PPP2R3A: variants seen among roughly 807,000 people sequenced by gnomAD.
PPP2R3A encodes protein phosphatase 2 regulatory subunit B''alpha, also known as serine/threonine-protein phosphatase 2A regulatory subunit B'' subunit alpha.
PPP2R3A carries 80 observed loss-of-function variants against 106.9 expected under a neutral mutation model. The ratio of observed to expected loss-of-function variants is 0.75; its 90% CI spans 0.62 to 0.90. The LOEUF (loss-of-function observed/expected upper bound fraction) is 0.90, where lower values mean the gene tolerates loss of function less well. PPP2R3A is among the 40% of genes least tolerant of loss of function. PPP2R3A has a pLI of 0.00. For synonymous variants in PPP2R3A, 483 were observed against 468.3 expected (o/e 1.03, Z -0.41); for missense variants, 1,386 against 1,350.4 (o/e 1.03, Z -0.41).
chr3:136,014,926 A>G (rs1450109856), intron 2 of PPP2R3A, among the ~76,000 whole-genome samples: 3 of 152,050 alleles, frequency 2.0e-5, no homozygotes, highest in Non-Finnish European at 4.4e-5. Context: ...AGTCCTTTCA[A>G]CTTTTCCTTG....
chr3:136,142,900 TCAG>T (rs1938935281), intron 13 of PPP2R3A, among the ~76,000 whole-genome samples: 1 of 152,128 alleles, frequency 6.6e-6, no homozygotes, highest in South Asian at 2.1e-4. Context: ...TGACAAGAAA[TCAG>T]CAGCATTGGT....
chr3:136,068,019 G>T (rs1240325028), intron 5 of PPP2R3A, among the ~76,000 whole-genome samples: 1 of 152,122 alleles, frequency 6.6e-6, no homozygotes, highest in Non-Finnish European at 1.5e-5. Context: ...GAGCCCAGGA[G>T]TTCGAGACCA....
intron 6 of PPP2R3A, among the ~76,000 whole-genome samples, chr3:136,076,715 G>A (rs1331470201): frequency 2.0e-5 from 3 of 152,276 alleles, no homozygotes; most frequent in South Asian, 2.1e-4. Flanking sequence ...TTGGGAGGCC[G>A]AGGCGGGTGG....
At chr3:136,117,763 C>A (rs1937831530) in intron 13 of PPP2R3A, among the ~76,000 whole-genome samples, 1 of 152,156 alleles carries the variant, frequency 6.6e-6, no homozygotes, top group East Asian at 1.9e-4. Flanking sequence ...ATGTCCAGGA[C>A]CAGACAGATT....
intron 5 of PPP2R3A, among the ~76,000 whole-genome samples, chr3:136,068,085 GCA>G (rs968846244): frequency 1.3e-5 from 2 of 152,108 alleles, no homozygotes; most frequent in Non-Finnish European, 2.9e-5. Context: ...CGGCATGGTG[GCA>G]CACACCTGTA....
intron 6 of PPP2R3A, among the ~76,000 whole-genome samples, chr3:136,076,270 GCTT>G (rs1405503491): frequency 2.0e-5 from 3 of 152,314 alleles, no homozygotes; most frequent in Admixed American, 1.3e-4. Context: ...GAACAAGTCA[GCTT>G]CTTCTTCCGC....
chr3:136,115,985 G>T (rs1179520701), intron 13 of PPP2R3A, among the ~76,000 whole-genome samples: 1 of 151,804 alleles, frequency 6.6e-6, no homozygotes, highest in Non-Finnish European at 1.5e-5. Context: ...AATGTTAAGG[G>T]CAGCCAGAGA....
chr3:136,018,327 T>A (rs933839359), intron 2 of PPP2R3A, among the ~76,000 whole-genome samples: 1 of 152,226 alleles, frequency 6.6e-6, no homozygotes, highest in Non-Finnish European at 1.5e-5. Context: ...TACTGTTTTT[T>A]AACAGTTATA....
intron 3 of PPP2R3A, among the ~76,000 whole-genome samples, chr3:136,030,713 C>T (rs199609031): frequency 6.7e-6 from 1 of 148,722 alleles, no homozygotes; most frequent in Non-Finnish European, 1.5e-5. Context: ...CTGGTCACTG[C>T]GAATGCCATT....
chr3:136,042,223 A>G (rs1193331151), intron 4 of PPP2R3A, among the ~76,000 whole-genome samples: 1 of 152,220 alleles, frequency 6.6e-6, no homozygotes, highest in East Asian at 1.9e-4. Flanking sequence ...CAAGTTCTTC[A>G]TACATCACAT....
chr3:136,070,567 C>G lies in PPP2R3A; in HGVS notation c.2544+15C>G, dbSNP rs1553751743. ...ACATCACCACGGTAGGCTGAGTCATCTTTTTTCTTAATATAACTCCATAAG... is the reference window on the plus strand; with the variant it reads ...ACATCACCACGGTAGGCTGAGTCATGTTTTTTCTTAATATAACTCCATAAG... On this transcript the variant is annotated intron_variant, in intron 6 of 13. Transcript: ENST00000264977. The G allele has an allele frequency of 6.3e-7, 1 of 1,591,324 alleles. No individual in the cohort carries two copies. The highest frequency in any genetic ancestry group is 1.1e-5 in the South Asian group (1 of 87,674).
chr3:135,973,259 T>C (rs1937296126), intron 1 of PPP2R3A, among the ~76,000 whole-genome samples: 1 of 152,182 alleles, frequency 6.6e-6, no homozygotes, highest in African/African-American at 2.4e-5. Context: ...CCTCACAAAG[T>C]TGTTGTAAGA....
chr3:136,139,490 C>T (rs1451734261), intron 13 of PPP2R3A, among the ~76,000 whole-genome samples: 1 of 151,808 alleles, frequency 6.6e-6, no homozygotes, highest in African/African-American at 2.4e-5. Context: ...GTCAGGAGAT[C>T]GAGGCCATCC....
chr3:136,008,067 A>G (rs1420762036), intron 2 of PPP2R3A, among the ~76,000 whole-genome samples: 1 of 152,236 alleles, frequency 6.6e-6, no homozygotes, highest in Non-Finnish European at 1.5e-5. Flanking sequence ...TATAGTGTAT[A>G]GTTTTATATG....
At chr3:136,018,087 C>T (rs1429996487) in intron 2 of PPP2R3A, among the ~76,000 whole-genome samples, 2 of 152,024 alleles carry the variant, frequency 1.3e-5, no homozygotes, top group Admixed American at 6.6e-5. Context: ...GGCAACATGG[C>T]GAAACCCTGT....
rs968461435 is a variant in PPP2R3A at position 136,147,599 on chromosome 3, C to A, written c.*2433C>A. 6.6e-6 allele frequency: 1 copy of A among 152,594 alleles called. No homozygotes were observed. Among genetic ancestry groups the A allele is most frequent in the East Asian group, 1.9e-4 (1 of 5,200 alleles). The allele number at this position is 152,594 out of a possible 1,614,324, so 9.5% of individuals were successfully genotyped here. A position where few individuals can be genotyped will look rare whatever the true frequency, so the allele number is the denominator to read the frequency against. On this transcript the variant is annotated 3_prime_UTR_variant, in exon 14 of 14. Coordinates refer to ENST00000264977, the MANE Select transcript of PPP2R3A (RefSeq NM_002718.5). ...ATCATTACTGCCAAACTGGAATTTT[C>A]AAGTTATTATAATATCCCAGGCCCC...
At chr3:136,120,671 A>T (rs767653426) in intron 13 of PPP2R3A, among the ~76,000 whole-genome samples, 2 of 152,172 alleles carry the variant, frequency 1.3e-5, no homozygotes, top group Non-Finnish European at 2.9e-5. Context: ...AAATATTCTC[A>T]AACTGTGCAT....
At position 136,087,870 on chromosome 3, in the gene PPP2R3A, T is replaced by C; in HGVS notation, c.2789-13T>C. ...CTAACTAGCTTTGCAATTTTTTTTT[T>C]ATCTACATTTAGCTTCATCAAGCAG... On this transcript the variant is annotated splice_polypyrimidine_tract_variant and intron_variant, in intron 8 of 13. Transcript: ENST00000264977. 1 of 1,599,832 alleles carries C rather than the reference T, an allele frequency of 6.3e-7. No homozygotes were observed. The highest frequency in any genetic ancestry group is 8.5e-7 in the Non-Finnish European group (1 of 1,171,894).
rs1221725715 is a variant in PPP2R3A at position 136,001,899 on chromosome 3, A to T, written c.401A>T (p.Asn134Ile). The change falls in exon 2 of 14, where the codon AAC (asparagine) becomes ATC (isoleucine). Residue 134 changes from asparagine (N) to isoleucine (I), a missense_variant. Coordinates refer to ENST00000264977, the MANE Select transcript of PPP2R3A (RefSeq NM_002718.5). Reference protein sequence around the residue: ...IKEFSFEKLKNSNHAAYRKGR... With the variant: ...IKEFSFEKLKISNHAAYRKGR... ...GAATTTTCCTTTGAAAAACTCAAAAACTCTAACCATGCAGCTTACAGAAAG... is the reference window on the plus strand; with the variant it reads ...GAATTTTCCTTTGAAAAACTCAAAATCTCTAACCATGCAGCTTACAGAAAG... The T allele has an allele frequency of 4.3e-6, 7 of 1,614,028 alleles. No individual in the cohort carries two copies. Among genetic ancestry groups the T allele is most frequent in the Non-Finnish European group, 5.9e-6 (7 of 1,180,006 alleles).
Sources: gnomAD v4.1 joint callset for allele counts (sites outside exome capture counted in the v4.1 genomes callset) on GRCh38, gnomAD v4.1.1 for gene constraint, MANE v1.5 for transcripts, NCBI Gene and HGNC (gene_info 2026-07-23, HGNC 2026-07-21) for gene names.